Variants in DNAJC15 observed in about 807,000 individuals in gnomAD.
DNAJC15 encodes dnaJ homolog subfamily C member 15.
A neutral mutation model predicts 22.4 loss-of-function variants in DNAJC15; 27 were observed. The observed-to-expected ratio is 1.20, with a 90% CI of 0.89 to 1.66. DNAJC15 has a LOEUF of 1.66. Among genes scored for constraint, DNAJC15 ranks in the 40% most tolerant of loss-of-function variants. DNAJC15 has a pLI of 0.00. For synonymous variants in DNAJC15, 79 were observed against 63.2 expected, an observed-to-expected ratio of 1.25 and a Z score of -1.19; for missense variants, 208 against 187.1, an observed-to-expected ratio of 1.11 and a Z score of -0.65.
rs9567102 is a variant in DNAJC15 at position 43,049,140 on chromosome 13, G to T, written c.109-16546G>T. On this transcript the variant is annotated intron_variant, in intron 1 of 5. Transcript: ENST00000379221. Reference sequence around the variant, plus strand: ...ATATCCCAATTTTTCCTAAGTCAAAGAAACAGCAACATTTCTGTTTCTGCA... The same window carrying T: ...ATATCCCAATTTTTCCTAAGTCAAATAAACAGCAACATTTCTGTTTCTGCA... Among the ~76,000 whole-genome samples, 8 of 152,168 alleles carry T rather than the reference G, an allele frequency of 5.3e-5. No individual in the cohort carries two copies. In the East Asian group the frequency reaches 1.5e-3, roughly 29 times the overall value.
At chr13:43,074,775 A>C (rs1052383716) in intron 3 of DNAJC15, among the ~76,000 whole-genome samples, 1 of 152,256 alleles carries the variant, frequency 6.6e-6, no homozygotes, top group African/African-American at 2.4e-5. Flanking sequence ...TTTAGGAAGC[A>C]TGATTTTCTC....
intron 5 of DNAJC15, among the ~76,000 whole-genome samples, chr13:43,089,389 G>C (rs2040703859): frequency 6.6e-6 from 1 of 152,162 alleles, no homozygotes; most frequent in Non-Finnish European, 1.5e-5. Context: ...TTGTAGCAAG[G>C]CGATAAAGGG....
At chr13:43,107,093 A>G in intron 5 of DNAJC15, 85 bp from the exon 6 acceptor site, 1 of 1,089,422 alleles carries the variant, frequency 9.2e-7, no homozygotes, top group Non-Finnish European at 1.2e-6. Flanking sequence ...GACAATATTC[A>G]AAAAAGAGTA....
At chr13:43,053,679 G>T (rs1476641045) in intron 1 of DNAJC15, among the ~76,000 whole-genome samples, 2 of 93,754 alleles carry the variant, frequency 2.1e-5, no homozygotes, top group African/African-American at 5.9e-5. Flanking sequence ...TGCAGCTATT[G>T]TAAAAGGGGT....
intron 1 of DNAJC15, among the ~76,000 whole-genome samples, chr13:43,024,893 T>TGAAAAAAAAAAAAAAAAAAA (rs2040372553): frequency 1.2e-5 from 1 of 85,946 alleles, no homozygotes; most frequent in Non-Finnish European, 2.3e-5. Flanking sequence ...CCATCTCTGC[T>TGAAAAAAAAAAAAAAAAAAA]AAAAAAAAAA....
intron 1 of DNAJC15, among the ~76,000 whole-genome samples, chr13:43,049,246 C>T (rs933058353): frequency 2.6e-5 from 4 of 152,164 alleles, no homozygotes; most frequent in African/African-American, 9.7e-5. Flanking sequence ...CACCATTTTA[C>T]TATTATATTG....
intron 1 of DNAJC15, among the ~76,000 whole-genome samples, chr13:43,040,352 G>C (rs2040447762): frequency 6.6e-6 from 1 of 152,116 alleles, no homozygotes; most frequent in South Asian, 2.1e-4. Flanking sequence ...TTTGGTTTTG[G>C]CTTTGAAATT....
intron 5 of DNAJC15, among the ~76,000 whole-genome samples, chr13:43,094,998 G>A (rs1376114420): frequency 2.0e-5 from 3 of 152,156 alleles, no homozygotes; most frequent in South Asian, 2.1e-4. Flanking sequence ...AACAGGTGGG[G>A]TTTTTTAGTG....
At chr13:43,100,464 C>T (rs1292805540) in intron 5 of DNAJC15, among the ~76,000 whole-genome samples, 1 of 152,076 alleles carries the variant, frequency 6.6e-6, no homozygotes, top group African/African-American at 2.4e-5. Context: ...GTGCCCCCCT[C>T]ACCCTCCCAA....
rs528425525 is a variant in DNAJC15, at chr13:43,107,270, GA to G, written c.*31del. The G allele has an allele frequency of 1.6e-4, 217 of 1,325,408 alleles. No individual in the cohort carries two copies. The highest frequency in any genetic ancestry group is 7.4e-4 in the Middle Eastern group (3 of 4,048). The allele number at this position is 1,325,408 out of a possible 1,614,324, so 82.1% of individuals were successfully genotyped here. ...TTGATGCTTAAGGACCACACTGAAGGAAAAAAAAAGAGGGGACTTCGAAAAA... is the reference window on the plus strand; with the variant it reads ...TTGATGCTTAAGGACCACACTGAAGGAAAAAAAAGAGGGGACTTCGAAAAA... On this transcript the variant is annotated 3_prime_UTR_variant, in exon 6 of 6. Coordinates refer to ENST00000379221, the MANE Select transcript of DNAJC15 (RefSeq NM_013238.3).
intron 1 of DNAJC15, among the ~76,000 whole-genome samples, chr13:43,060,160 G>A (rs1000093772): frequency 6.6e-6 from 1 of 152,094 alleles, no homozygotes; most frequent in Admixed American, 6.5e-5. Flanking sequence ...TTGGAGCGGC[G>A]AAAAATTTTG....
intron 5 of DNAJC15, among the ~76,000 whole-genome samples, chr13:43,091,242 G>C (rs1013384442): frequency 6.6e-6 from 1 of 151,930 alleles, no homozygotes; most frequent in Non-Finnish European, 1.5e-5. Context: ...GTGCCACCAC[G>C]CCTGGCTAAT....
At chr13:43,090,056 G>C (rs1346254765) in intron 5 of DNAJC15, among the ~76,000 whole-genome samples, 1 of 152,212 alleles carries the variant, frequency 6.6e-6, no homozygotes, top group African/African-American at 2.4e-5. Flanking sequence ...ATTATAACCT[G>C]TTAAAAGAAA....
chr13:43,079,812 A>G (rs1422706591), intron 4 of DNAJC15, among the ~76,000 whole-genome samples: 1 of 152,162 alleles, frequency 6.6e-6, no homozygotes, highest in Non-Finnish European at 1.5e-5. Flanking sequence ...GTATTTTTAC[A>G]TTCTCTTAAG....
At chr13:43,093,644 G>C (rs2040725773) in intron 5 of DNAJC15, among the ~76,000 whole-genome samples, 1 of 152,084 alleles carries the variant, frequency 6.6e-6, no homozygotes, top group African/African-American at 2.4e-5. Flanking sequence ...CTAACTCCTG[G>C]ACTCAAGCCG....
At chr13:43,050,380 A>G (rs1425065968) in intron 1 of DNAJC15, among the ~76,000 whole-genome samples, 2 of 152,078 alleles carry the variant, frequency 1.3e-5, no homozygotes, top group South Asian at 2.1e-4. Context: ...ATCACAGCTC[A>G]CTGTGGCCTC....
rs2040811945 is a variant in DNAJC15 at position 43,108,950 on chromosome 13, T to G, written c.*1702T>G. The G allele has an allele frequency of 6.6e-6, 1 of 152,222 alleles. No homozygotes were observed. 9.4% of individuals were successfully genotyped at this position (152,222 alleles called of 1,614,324 possible). ...TTTTCTCATGCTTTAGTGTTTTCAC[T>G]TTTCTCCTGTTATCCTTGTACCTAA... is the stretch of plus-strand genomic sequence containing the variant. On this transcript the variant is annotated 3_prime_UTR_variant, in exon 6 of 6. Transcript: ENST00000379221.
intron 3 of DNAJC15, among the ~76,000 whole-genome samples, chr13:43,069,660 G>A (rs765317718): frequency 4.1e-4 from 62 of 152,196 alleles, no homozygotes; most frequent in Non-Finnish European, 5.7e-4. Flanking sequence ...GCCCTGCAGC[G>A]TAAACATTGG....
At chr13:43,100,369 A>G (rs1030332947) in intron 5 of DNAJC15, among the ~76,000 whole-genome samples, 2 of 151,808 alleles carry the variant, frequency 1.3e-5, no homozygotes, top group East Asian at 3.9e-4. Flanking sequence ...CACCTTGCTC[A>G]GCTAATTTTT....
Sources: allele counts gnomAD v4.1 joint callset (sites outside exome capture counted in the v4.1 genomes callset), GRCh38; gene constraint gnomAD v4.1.1; transcripts MANE v1.5; gene names NCBI Gene and HGNC (gene_info 2026-07-23, HGNC 2026-07-21).